The following PAPSS1 variants were observed in gnomAD, a reference collection of about 807,000 sequenced individuals.
PAPSS1 encodes 3'-phosphoadenosine 5'-phosphosulfate synthase 1.
In PAPSS1, 50 loss-of-function variants were observed where a neutral mutation model predicts 72.0. The observed-to-expected ratio is 0.69, with a 90% confidence interval of 0.55 to 0.88. The LOEUF (loss-of-function observed/expected upper bound fraction) is 0.88, where lower values mean the gene tolerates loss of function less well. Among genes scored for constraint, PAPSS1 ranks in the 40% least tolerant of loss-of-function variants. PAPSS1 has a pLI of 0.00. For synonymous variants in PAPSS1, 261 were observed against 263.6 expected, an observed-to-expected ratio of 0.99 and a Z score of 0.09; for missense variants, 657 against 782.2, an observed-to-expected ratio of 0.84 and a Z score of 1.91.
intron 8 of PAPSS1, 130 bp downstream of exon 8, chr4:107,654,565 C>T: frequency 1.3e-6 from 1 of 745,322 alleles, no homozygotes; most frequent in Non-Finnish European, 2.3e-6. Context: ...TCACAATAAT[C>T]TAAGGTCCAA....
intron 9 of PAPSS1, among the ~76,000 whole-genome samples, chr4:107,646,691 C>T (rs1319008962): frequency 6.6e-6 from 1 of 152,148 alleles, no homozygotes; most frequent in Non-Finnish European, 1.5e-5. Context: ...GCACCGCCCT[C>T]CCCGTCAAGC....
At chr4:107,714,528 T>C (rs757182157) in intron 1 of PAPSS1, among the ~76,000 whole-genome samples, 1 of 152,166 alleles carries the variant, frequency 6.6e-6, no homozygotes, top group Non-Finnish European at 1.5e-5. Flanking sequence ...GAGTAACTGA[T>C]CCATCTCAGA....
chr4:107,683,173 T>C (rs1407655097), intron 4 of PAPSS1, among the ~76,000 whole-genome samples: 1 of 152,128 alleles, frequency 6.6e-6, no homozygotes, highest in Admixed American at 6.6e-5. Flanking sequence ...GAATTTAAAA[T>C]CATTACCATT....
chr4:107,678,462 T>A (rs962360845), intron 5 of PAPSS1, among the ~76,000 whole-genome samples: 2 of 150,426 alleles, frequency 1.3e-5, no homozygotes, highest in African/African-American at 4.9e-5. Flanking sequence ...AGAGCTGAGG[T>A]GAAAAAAAGC....
chr4:107,637,176 G>GT (rs1726406685), intron 10 of PAPSS1, among the ~76,000 whole-genome samples: 1 of 152,124 alleles, frequency 6.6e-6, no homozygotes, highest in Middle Eastern at 3.2e-3. Context: ...ATCCTTCAGA[G>GT]TTAGAATTGT....
chr4:107,710,620 C>T (rs1411038574), intron 1 of PAPSS1, among the ~76,000 whole-genome samples: 2 of 152,222 alleles, frequency 1.3e-5, no homozygotes, highest in African/African-American at 2.4e-5. Flanking sequence ...CAGCAGCTCA[C>T]TCACATTAGC....
At chr4:107,670,027 A>G (rs1044981871) in intron 5 of PAPSS1, among the ~76,000 whole-genome samples, 2 of 152,248 alleles carry the variant, frequency 1.3e-5, no homozygotes, top group Non-Finnish European at 2.9e-5. Flanking sequence ...ACAACATATG[A>G]AAAGAGCTTA....
intron 11 of PAPSS1, among the ~76,000 whole-genome samples, chr4:107,622,853 C>A: frequency 6.6e-6 from 1 of 152,242 alleles, no homozygotes; most frequent in Non-Finnish European, 1.5e-5. Context: ...CATTAAAACT[C>A]TCTGCCCATT....
intron 3 of PAPSS1, among the ~76,000 whole-genome samples, chr4:107,690,682 A>G (rs1273394823): frequency 6.6e-6 from 1 of 152,172 alleles, no homozygotes; most frequent in Non-Finnish European, 1.5e-5. Flanking sequence ...AAAAATACAC[A>G]TGTCCTGTAT....
At chr4:107,634,018 A>G (rs781636485) in intron 10 of PAPSS1, among the ~76,000 whole-genome samples, 19 of 151,790 alleles carry the variant, frequency 1.3e-4, no homozygotes, top group Non-Finnish European at 2.2e-4. Context: ...TTCATTAAAT[A>G]GTCTGTTTAT....
intron 5 of PAPSS1, among the ~76,000 whole-genome samples, chr4:107,669,134 G>A (rs1578409811): frequency 6.6e-6 from 1 of 152,158 alleles, no homozygotes; most frequent in South Asian, 2.1e-4. Context: ...GAAGTTAAAT[G>A]AACTGAATTT....
chr4:107,696,814 C>T (rs935596414), intron 2 of PAPSS1, among the ~76,000 whole-genome samples: 2 of 151,998 alleles, frequency 1.3e-5, no homozygotes, highest in Admixed American at 6.6e-5. Flanking sequence ...CATTAAAAAC[C>T]GATATTAATG....
At chr4:107,678,750 A>G (rs755436811) in intron 5 of PAPSS1, among the ~76,000 whole-genome samples, 1 of 152,204 alleles carries the variant, frequency 6.6e-6, no homozygotes, top group Non-Finnish European at 1.5e-5. Context: ...AATCAGGAGC[A>G]GGTCTAGAGA....
intron 1 of PAPSS1, among the ~76,000 whole-genome samples, chr4:107,713,620 T>C (rs570580128): frequency 7.0e-4 from 106 of 152,164 alleles, no homozygotes; most frequent in Non-Finnish European, 1.2e-3. Context: ...TAGCTGGGCA[T>C]GTTGGTGCAC....
At chr4:107,663,027 A>G (rs1727228349) in intron 5 of PAPSS1, among the ~76,000 whole-genome samples, 2 of 152,246 alleles carry the variant, frequency 1.3e-5, no homozygotes, top group South Asian at 4.1e-4. Flanking sequence ...GCAGCTACAA[A>G]GTAAAGAATT....
intron 11 of PAPSS1, among the ~76,000 whole-genome samples, chr4:107,621,639 GAGA>G (rs1336601348): frequency 1.7e-4 from 1 of 5,856 alleles, no homozygotes; most frequent in East Asian, 6.2e-3. Flanking sequence ...TTTTTTTTTT[GAGA>G]AGGAGTCTTG....
intron 1 of PAPSS1, among the ~76,000 whole-genome samples, chr4:107,712,094 A>G (rs1208905498): frequency 7.9e-5 from 12 of 152,178 alleles, no homozygotes; most frequent in Non-Finnish European, 1.5e-5. Flanking sequence ...CTCTCCAACT[A>G]TTCTGTTAAA....
At chr4:107,683,959 C>T (rs559546514) in intron 4 of PAPSS1, among the ~76,000 whole-genome samples, 1 of 113,786 alleles carries the variant, frequency 8.8e-6, no homozygotes, top group East Asian at 2.3e-4. Flanking sequence ...TCAGTGTATG[C>T]ATACAGACAC....
In PAPSS1 at chr4:107,720,207, G is replaced by T; in HGVS notation, c.-28C>A. On this transcript the variant is annotated 5_prime_UTR_variant, in exon 1 of 12. Coordinates refer to ENST00000265174, the MANE Select transcript of PAPSS1 (RefSeq NM_005443.5). ...CCGCGGAGCGCGCTGAGCAGCCGGGGTTCTCTGCGCCGGGAGGGTAGCAAG... is the reference window on the plus strand; with the variant it reads ...CCGCGGAGCGCGCTGAGCAGCCGGGTTTCTCTGCGCCGGGAGGGTAGCAAG... 6.3e-7 allele frequency: 1 copy of T among 1,593,296 alleles called. No individual in the cohort carries two copies. The highest frequency in any genetic ancestry group is 8.5e-7 in the Non-Finnish European group (1 of 1,171,744).
Sources: allele counts gnomAD v4.1 joint callset (sites outside exome capture counted in the v4.1 genomes callset), GRCh38; gene constraint gnomAD v4.1.1; transcripts MANE v1.5; gene names NCBI Gene and HGNC (gene_info 2026-07-23, HGNC 2026-07-21).